Variants in CDC42SE2 observed in about 807,000 individuals in gnomAD.
The protein encoded by CDC42SE2 is CDC42 small effector protein 2.
CDC42SE2 carries 3 observed loss-of-function variants against 11.5 expected under a neutral mutation model. The observed-to-expected ratio is 0.26, with a 90% CI of 0.12 to 0.67. The LOEUF (loss-of-function observed/expected upper bound fraction) is 0.67, where lower values mean the gene tolerates loss of function less well. Among genes scored for constraint, CDC42SE2 ranks in the 30% least tolerant of loss-of-function variants. The probability of loss-of-function intolerance (pLI) is 0.80; values close to 1 mark genes in which losing one functional copy is unlikely to be tolerated. For missense variants in CDC42SE2, 82 were observed against 106.8 expected (o/e 0.77, Z 1.02); for synonymous variants, 33 against 34.8 (o/e 0.95, Z 0.18).
chr5:131,310,531 AAT>A (rs1156380675), intron 1 of CDC42SE2, among the ~76,000 whole-genome samples: 2 of 151,834 alleles, frequency 1.3e-5, no homozygotes, highest in South Asian at 2.1e-4. Flanking sequence ...TGATCTGTCT[AAT>A]GTTGACAGTG....
At chr5:131,270,803 C>G (rs1201833199) in intron 1 of CDC42SE2, among the ~76,000 whole-genome samples, 2 of 152,164 alleles carry the variant, frequency 1.3e-5, no homozygotes, top group Non-Finnish European at 2.9e-5. Context: ...TTCTTTGGCT[C>G]AAAACTGCTT....
At chr5:131,307,817 G>A (rs1377821156) in intron 1 of CDC42SE2, among the ~76,000 whole-genome samples, 1 of 152,224 alleles carries the variant, frequency 6.6e-6, no homozygotes, top group Non-Finnish European at 1.5e-5. Flanking sequence ...CTGATGGCCA[G>A]TGATGATGAG....
intron 1 of CDC42SE2, among the ~76,000 whole-genome samples, chr5:131,271,686 A>T (rs1040494166): frequency 6.6e-6 from 1 of 152,168 alleles, no homozygotes; most frequent in African/African-American, 2.4e-5. Flanking sequence ...CATTGCTGCC[A>T]TCACCTCTTT....
intron 1 of CDC42SE2, among the ~76,000 whole-genome samples, chr5:131,296,639 C>G (rs1323868901): frequency 1.3e-5 from 2 of 152,082 alleles, no homozygotes; most frequent in African/African-American, 4.8e-5. Context: ...GATTAGGGGC[C>G]CACTCTACTC....
At chr5:131,299,829 T>A (rs1157120917) in intron 1 of CDC42SE2, among the ~76,000 whole-genome samples, 1 of 152,164 alleles carries the variant, frequency 6.6e-6, no homozygotes, top group Non-Finnish European at 1.5e-5. Flanking sequence ...TAAGAACTAT[T>A]AATGTAATGT....
chr5:131,306,016 A>G (rs1410468433), intron 1 of CDC42SE2, among the ~76,000 whole-genome samples: 1 of 152,138 alleles, frequency 6.6e-6, no homozygotes, highest in Non-Finnish European at 1.5e-5. Flanking sequence ...GTTTCACCTT[A>G]TCTGTGGTTT....
intron 2 of CDC42SE2, among the ~76,000 whole-genome samples, chr5:131,349,452 C>A (rs138121158): frequency 6.6e-6 from 1 of 152,306 alleles, no homozygotes; most frequent in East Asian, 1.9e-4. Context: ...AAGAAACCTG[C>A]ACGTTGTGCT....
rs745673297 is a variant in CDC42SE2 at position 131,359,472 on chromosome 5, T to A, written c.-22T>A. The A allele has an allele frequency of 6.2e-7, 1 of 1,603,074 alleles. No homozygotes were observed. Among genetic ancestry groups the A allele is most frequent in the South Asian group, 1.1e-5 (1 of 90,868 alleles). On this transcript the variant is annotated 5_prime_UTR_variant, in exon 3 of 5. Transcript: ENST00000505065. ...TGAGATTTGGAACCTTCATTGGTGC[T>A]CATTTACTGTGGACTGTAAGCATGA...
chr5:131,272,144 G>A (rs563846060), intron 1 of CDC42SE2, among the ~76,000 whole-genome samples: 2 of 151,984 alleles, frequency 1.3e-5, no homozygotes, highest in Non-Finnish European at 2.9e-5. Flanking sequence ...CCGAGTAGCT[G>A]GAATTACAGG....
intron 1 of CDC42SE2, among the ~76,000 whole-genome samples, chr5:131,283,721 G>A (rs184849912): frequency 9.2e-5 from 14 of 152,076 alleles, no homozygotes; most frequent in Admixed American, 6.5e-4. Flanking sequence ...TTGAACTCCC[G>A]ACCTCAGGTG....
intron 2 of CDC42SE2, among the ~76,000 whole-genome samples, chr5:131,335,156 G>A (rs1456968732): frequency 6.6e-6 from 1 of 151,888 alleles, no homozygotes; most frequent in Non-Finnish European, 1.5e-5. Context: ...CAGAGATTCT[G>A]GTATGTTGTG....
At chr5:131,271,847 C>T (rs896858604) in intron 1 of CDC42SE2, among the ~76,000 whole-genome samples, 1 of 152,088 alleles carries the variant, frequency 6.6e-6, no homozygotes, top group East Asian at 1.9e-4. Context: ...AACCCTTACC[C>T]CCACACCCTT....
intron 2 of CDC42SE2, among the ~76,000 whole-genome samples, chr5:131,343,585 G>T (rs200453573): frequency 6.6e-6 from 1 of 152,028 alleles, no homozygotes; most frequent in Non-Finnish European, 1.5e-5. Context: ...GGTGGTGCAT[G>T]CCTATAATCC....
chr5:131,278,864 A>G (rs2149700090), intron 1 of CDC42SE2, among the ~76,000 whole-genome samples: 1 of 136,000 alleles, frequency 7.4e-6, no homozygotes, highest in South Asian at 2.5e-4. Flanking sequence ...GGCTCACTGC[A>G]ACCTCTGCCT....
Position 131,394,467 on chromosome 5 carries a change from C to T in CDC42SE2, c.*3376C>T, listed in dbSNP as rs1332374033. On this transcript the variant is annotated 3_prime_UTR_variant, in exon 5 of 5. Transcript: ENST00000505065. ...CTTTGTTGTTAAATTATAGCAGACT[C>T]ATTATAGAGAACAAGTTTGCCTTGA... 6.6e-6 allele frequency: 1 copy of T among 152,286 alleles called. No individual in the cohort carries two copies. The highest frequency in any genetic ancestry group is 1.5e-5 in the Non-Finnish European group (1 of 68,034). The allele number at this position is 152,286 out of a possible 1,614,324, so 9.4% of individuals were successfully genotyped here. A position where few individuals can be genotyped will look rare whatever the true frequency, so the allele number is the denominator to read the frequency against.
rs573280644 is a variant in CDC42SE2 at position 131,333,818 on chromosome 5, C to T, written c.-286+17674C>T. 8.5e-5 allele frequency among the ~76,000 whole-genome samples: 13 copies of T among 152,218 alleles called. No homozygotes were observed. The South Asian group carries it at 2.3e-3, about 27-fold the overall frequency. On this transcript the variant is annotated intron_variant, in intron 2 of 4. Transcript: ENST00000505065. ...TGATTTTTGCACATTGATTTTGTAT[C>T]GTGAGACTTTGCTGAAGTTGCTTAT...
At chr5:131,272,744 G>C (rs2149694836) in intron 1 of CDC42SE2, among the ~76,000 whole-genome samples, 1 of 152,212 alleles carries the variant, frequency 6.6e-6, no homozygotes, top group South Asian at 2.1e-4. Context: ...TCTCCAAAAA[G>C]GTAAATATTT....
chr5:131,325,395 A>G (rs1036137632), intron 2 of CDC42SE2, among the ~76,000 whole-genome samples: 20 of 151,954 alleles, frequency 1.3e-4, no homozygotes, highest in African/African-American at 4.8e-4. Flanking sequence ...GAAACTTGGA[A>G]TATTTTAAAA....
chr5:131,301,341 C>T (rs1055635099), intron 1 of CDC42SE2, among the ~76,000 whole-genome samples: 2 of 151,996 alleles, frequency 1.3e-5, no homozygotes, highest in Non-Finnish European at 2.9e-5. Context: ...TTGAATGTTC[C>T]CAACACAAAG....
Sources: allele counts gnomAD v4.1 joint callset (sites outside exome capture counted in the v4.1 genomes callset), GRCh38; gene constraint gnomAD v4.1.1; transcripts MANE v1.5; gene names NCBI Gene and HGNC (gene_info 2026-07-23, HGNC 2026-07-21).